SPOCK3: variants seen among roughly 807,000 people sequenced by gnomAD.
SPOCK3 encodes the protein testican-3.
In SPOCK3, 30 loss-of-function variants were observed where a neutral mutation model predicts 56.6. The observed-to-expected ratio is 0.53, with a 90% CI of 0.40 to 0.72. The LOEUF is 0.72. Ranked by LOEUF, SPOCK3 falls within the 30% of genes least tolerant of loss-of-function variation. The probability of loss-of-function intolerance (pLI) is 0.00; values close to 1 mark genes in which losing one functional copy is unlikely to be tolerated. For synonymous variants in SPOCK3, 196 were observed against 183.3 expected (o/e 1.07, Z -0.56); for missense variants, 527 against 530.0 (o/e 0.99, Z 0.06).
intron 7 of SPOCK3, among the ~76,000 whole-genome samples, chr4:166,764,156 C>G (rs1737629435): frequency 6.6e-6 from 1 of 151,836 alleles, no homozygotes; most frequent in South Asian, 2.1e-4. Context: ...CTTCCTTTTC[C>G]ATCTCATTTC....
In SPOCK3 at chr4:167,194,721, G is replaced by T. The variant is rs376180875; in HGVS notation, c.189+39264C>A. Among the ~76,000 whole-genome samples, 165 of 152,296 alleles carry T rather than the reference G, an allele frequency of 1.1e-3. 3 individuals are homozygous for T. In the South Asian group the frequency reaches 0.033, roughly 31 times the overall value. On this transcript the variant is annotated intron_variant, in intron 2 of 10. Transcript: ENST00000357545. ...CCCTGGCTGGCAGGCCTGTTTCAGG[G>T]ACTTAGGTAGTTGTGGATCCTGTCT...
intron 10 of SPOCK3, among the ~76,000 whole-genome samples, chr4:166,737,206 C>A (rs1437005124): frequency 1.3e-5 from 2 of 152,102 alleles, no homozygotes; most frequent in African/African-American, 4.8e-5. Context: ...ACCTCAACAA[C>A]TTTCTGAATT....
intron 3 of SPOCK3, among the ~76,000 whole-genome samples, chr4:167,040,083 A>C (rs1397383328): frequency 6.6e-6 from 1 of 152,214 alleles, no homozygotes; most frequent in Non-Finnish European, 1.5e-5. Flanking sequence ...AAATTTTCTT[A>C]AGTTATGCAG....
At chr4:166,853,771 A>G (rs1730377162) in intron 6 of SPOCK3, among the ~76,000 whole-genome samples, 1 of 152,122 alleles carries the variant, frequency 6.6e-6, no homozygotes, top group African/African-American at 2.4e-5. Context: ...AATCTCAGCT[A>G]CTTGAGAGGC....
At chr4:167,150,166 T>G (rs1764295255) in intron 2 of SPOCK3, among the ~76,000 whole-genome samples, 1 of 152,160 alleles carries the variant, frequency 6.6e-6, no homozygotes, top group Non-Finnish European at 1.5e-5. Flanking sequence ...TAATCTGTTT[T>G]CCTACAGCAT....
chr4:166,780,107 G>A (rs981246726), intron 7 of SPOCK3, among the ~76,000 whole-genome samples: 1 of 152,038 alleles, frequency 6.6e-6, no homozygotes, highest in African/African-American at 2.4e-5. Flanking sequence ...AAAAGTCTGA[G>A]TAATTAGCAA....
At chr4:167,106,779 A>T (rs1173606417) in intron 2 of SPOCK3, among the ~76,000 whole-genome samples, 1 of 151,610 alleles carries the variant, frequency 6.6e-6, no homozygotes, top group Non-Finnish European at 1.5e-5. Context: ...AAAAAGGGAC[A>T]GAAGACCCAA....
At chr4:166,900,865 A>G (rs1735976557) in intron 5 of SPOCK3, among the ~76,000 whole-genome samples, 1 of 152,162 alleles carries the variant, frequency 6.6e-6, no homozygotes, top group South Asian at 2.1e-4. Flanking sequence ...GAACAACAAC[A>G]GGTATTCCTG....
chr4:166,932,222 G>A (rs1247558978), intron 4 of SPOCK3, among the ~76,000 whole-genome samples: 1 of 152,148 alleles, frequency 6.6e-6, no homozygotes, highest in South Asian at 2.1e-4. Context: ...AGCCAAAAAT[G>A]TCCCATGAGT....
chr4:166,928,439 G>T lies in SPOCK3; in HGVS notation c.351-15696C>A, dbSNP rs536245419. On this transcript the variant is annotated intron_variant, in intron 4 of 10. Transcript: ENST00000357545. ...AACTGGAAGAAGCCAACCAGGAAAGGCTACCTACTGTAAGATTCTAACTAT... is the reference window on the plus strand; with the variant it reads ...AACTGGAAGAAGCCAACCAGGAAAGTCTACCTACTGTAAGATTCTAACTAT... Among the ~76,000 whole-genome samples the T allele has an allele frequency of 3.3e-5, 5 of 152,252 alleles. No homozygotes were observed. In the South Asian group the frequency reaches 6.2e-4, roughly 19 times the overall value.
At chr4:166,781,712 A>G (rs2126617570) in intron 7 of SPOCK3, among the ~76,000 whole-genome samples, 1 of 152,250 alleles carries the variant, frequency 6.6e-6, no homozygotes, top group East Asian at 1.9e-4. Flanking sequence ...AAACAGATAT[A>G]CAAACAAAAT....
rs867859940 is a variant in SPOCK3 at position 166,851,136 on chromosome 4, G to A, written c.589+37994C>T. Among the ~76,000 whole-genome samples, 16 of 152,336 alleles carry A rather than the reference G, an allele frequency of 1.1e-4. No homozygotes were observed. In the South Asian group the frequency reaches 2.1e-3, roughly 20 times the overall value. ...CTGGAGATCTGAGAACTGGCAGACT[G>A]CCTCCTCAAGTGGGTCCCTAACCCC... is the stretch of plus-strand genomic sequence containing the variant. On this transcript the variant is annotated intron_variant, in intron 6 of 10. Coordinates refer to ENST00000357545, the MANE Select transcript of SPOCK3 (RefSeq NM_001040159.2).
At chr4:166,922,804 G>A (rs1738647594) in intron 4 of SPOCK3, among the ~76,000 whole-genome samples, 1 of 152,172 alleles carries the variant, frequency 6.6e-6, no homozygotes, top group African/African-American at 2.4e-5. Context: ...TTGCATATAA[G>A]TTGAATTTAA....
chr4:167,030,979 T>C (rs948637271), intron 3 of SPOCK3, among the ~76,000 whole-genome samples: 11 of 152,078 alleles, frequency 7.2e-5, no homozygotes, highest in African/African-American at 2.7e-4. Flanking sequence ...TGTTGAGTTT[T>C]AAAATTTTTC....
intron 7 of SPOCK3, among the ~76,000 whole-genome samples, chr4:166,788,642 C>T (rs1740993505): frequency 6.6e-6 from 1 of 151,462 alleles, no homozygotes; most frequent in Admixed American, 6.6e-5. Flanking sequence ...TTACAATTAT[C>T]CACCTCATAA....
intron 2 of SPOCK3, among the ~76,000 whole-genome samples, chr4:167,174,840 C>T (rs1730831042): frequency 6.6e-6 from 1 of 152,136 alleles, no homozygotes; most frequent in Non-Finnish European, 1.5e-5. Flanking sequence ...CACATACACA[C>T]AGGCATGCAC....
At chr4:167,029,096 T>G (rs1049219872) in intron 3 of SPOCK3, among the ~76,000 whole-genome samples, 8 of 151,898 alleles carry the variant, frequency 5.3e-5, no homozygotes, top group African/African-American at 1.9e-4. Context: ...CAGGCCCCAG[T>G]GTGTGTTGTT....
At chr4:167,176,458 T>A (rs1393524632) in intron 2 of SPOCK3, among the ~76,000 whole-genome samples, 1 of 152,092 alleles carries the variant, frequency 6.6e-6, no homozygotes, top group Non-Finnish European at 1.5e-5. Context: ...AGCATGCCCA[T>A]TTTTACCTGA....
At chr4:167,001,092 G>C (rs1748909846) in intron 3 of SPOCK3, among the ~76,000 whole-genome samples, 1 of 152,152 alleles carries the variant, frequency 6.6e-6, no homozygotes. Flanking sequence ...TATGTGAAAT[G>C]TCGACGGTTT....
Sources: gnomAD v4.1 joint callset for allele counts (sites outside exome capture counted in the v4.1 genomes callset) on GRCh38, gnomAD v4.1.1 for gene constraint, MANE v1.5 for transcripts, NCBI Gene and HGNC (gene_info 2026-07-23, HGNC 2026-07-21) for gene names.